SOCS2: variants seen among roughly 807,000 people sequenced by gnomAD.
SOCS2 encodes the protein CIS-2.
SOCS2 carries 10 observed loss-of-function variants against 18.6 expected under a neutral mutation model. That is an observed-to-expected ratio of 0.54 (90% CI 0.33 to 0.91). The LOEUF (loss-of-function observed/expected upper bound fraction) is 0.91, where lower values mean the gene tolerates loss of function less well. Ranked by LOEUF, SOCS2 falls within the 40% of genes least tolerant of loss-of-function variation. The pLI, the probability that SOCS2 is intolerant of heterozygous loss-of-function variation, is 0.02. For missense variants in SOCS2, 231 were observed against 247.2 expected (o/e 0.93, Z 0.44); for synonymous variants, 104 against 104.0 (o/e 1.00, Z 0.00).
At chr12:93,582,657 T>C (rs1331152165) in intron 1 of SOCS2, among the ~76,000 whole-genome samples, 1 of 152,196 alleles carries the variant, frequency 6.6e-6, no homozygotes, top group Non-Finnish European at 1.5e-5. Context: ...ACAGATTCTC[T>C]TCTCAGGAAA....
In SOCS2 at chr12:93,575,740, T is replaced by A. The variant is rs917911514; in HGVS notation, c.*561T>A. 6.5e-6 allele frequency: 1 copy of A among 152,726 alleles called. No homozygotes were observed. Among genetic ancestry groups the A allele is most frequent in the African/African-American group, 2.4e-5 (1 of 41,466 alleles). The allele number at this position is 152,726 out of a possible 1,614,324, so 9.5% of individuals were successfully genotyped here. ...CCAAATCAACCAAAAAAAGTGACCATGAAGTCCTGTATTTGTCTTTTTACT... is the reference window on the plus strand; with the variant it reads ...CCAAATCAACCAAAAAAAGTGACCAAGAAGTCCTGTATTTGTCTTTTTACT... On this transcript the variant is annotated 3_prime_UTR_variant, in exon 2 of 2. Coordinates refer to ENST00000551556, the MANE Select transcript of SOCS2 (RefSeq NM_001270471.2).
chr12:93,618,251 A>G, the SOCS2 span, among the ~76,000 whole-genome samples: 3,761 of 152,254 alleles, frequency 0.025, 141 homozygotes, highest in African/African-American at 0.083. Context: ...CTGTGAGCCA[A>G]TGAAACCTCT....
At chr12:93,574,647 A>C (rs1954401529) in intron 1 of SOCS2, 75 bp from the exon 2 acceptor site, 1 of 1,046,814 alleles carries the variant, frequency 9.6e-7, no homozygotes, top group African/African-American at 1.6e-5. Flanking sequence ...ATTGCCAATT[A>C]CTTGCTCTGT....
At chr12:93,599,288 G>A in the SOCS2 span, among the ~76,000 whole-genome samples, 1 of 151,092 alleles carries the variant, frequency 6.6e-6, no homozygotes. Flanking sequence ...CAAGTGGCTG[G>A]AACTACAGGC....
chr12:93,614,635 T>TTTCTTTCTTTC, the SOCS2 span, among the ~76,000 whole-genome samples: 3 of 111,676 alleles, frequency 2.7e-5, no homozygotes, highest in African/African-American at 4.1e-5. Flanking sequence ...TTCTTTCTTT[T>TTTCTTTCTTTC]GATGGAGTCT....
the SOCS2 span, among the ~76,000 whole-genome samples, chr12:93,589,700 G>C: frequency 6.6e-6 from 1 of 152,192 alleles, no homozygotes; most frequent in Non-Finnish European, 1.5e-5. Flanking sequence ...TGCTTCTTAT[G>C]AGGTCCAGGA....
chr12:93,577,622 A>G (rs1052144743), downstream of SOCS2, among the ~76,000 whole-genome samples: 4 of 152,116 alleles, frequency 2.6e-5, no homozygotes, highest in African/African-American at 7.2e-5. Context: ...GCTGAAAAAG[A>G]ACCCTTGGTG....
At chr12:93,570,205 G>A (rs1490953139), upstream of SOCS2, 1 of 152,396 alleles carries the variant, frequency 6.6e-6, no homozygotes, top group Non-Finnish European at 1.5e-5. Context: ...GCAGGTAAGG[G>A]CGCCCCCTTA....
the SOCS2 span, among the ~76,000 whole-genome samples, chr12:93,601,299 G>T: frequency 6.6e-6 from 1 of 151,572 alleles, no homozygotes; most frequent in East Asian, 1.9e-4. Flanking sequence ...TTTTGAGACT[G>T]AGTCTTGGTC....
the SOCS2 span, among the ~76,000 whole-genome samples, chr12:93,595,421 T>C: frequency 1.3e-5 from 2 of 152,330 alleles, no homozygotes; most frequent in South Asian, 4.1e-4. Context: ...TTTGTTGTTC[T>C]GATTTCAGAA....
chr12:93,586,721 C>G (rs1322480266), downstream of SOCS2, among the ~76,000 whole-genome samples: 4 of 152,166 alleles, frequency 2.6e-5, no homozygotes, highest in Non-Finnish European at 5.9e-5. Flanking sequence ...CAGATTGAAA[C>G]TTTGCATTAT....
chr12:93,600,415 G>T, the SOCS2 span, among the ~76,000 whole-genome samples: 4 of 151,876 alleles, frequency 2.6e-5, no homozygotes, highest in East Asian at 7.7e-4. Context: ...ATCTAGTGTG[G>T]TGAGTGGTTT....
the SOCS2 span, among the ~76,000 whole-genome samples, chr12:93,614,480 T>C: frequency 0.023 from 602 of 26,130 alleles, 53 homozygotes; most frequent in Middle Eastern, 0.11. Flanking sequence ...CCTTCCTTCC[T>C]TTCCTTCCTT....
At chr12:93,602,863 A>G in the SOCS2 span, among the ~76,000 whole-genome samples, 1 of 152,244 alleles carries the variant, frequency 6.6e-6, no homozygotes, top group African/African-American at 2.4e-5. Context: ...CAGTGAACTC[A>G]TACAACTCAC....
downstream of SOCS2, among the ~76,000 whole-genome samples, chr12:93,579,032 A>G (rs1224405476): frequency 6.6e-6 from 1 of 152,088 alleles, no homozygotes; most frequent in Non-Finnish European, 1.5e-5. Flanking sequence ...ACTCCTTAAC[A>G]TTTCTAATCT....
the SOCS2 span, among the ~76,000 whole-genome samples, chr12:93,607,421 C>G: frequency 3.3e-5 from 5 of 152,150 alleles, no homozygotes; most frequent in African/African-American, 1.2e-4. Flanking sequence ...AAAAAGGGAA[C>G]CTGGTTCCTG....
chr12:93,609,314 C>T, the SOCS2 span, among the ~76,000 whole-genome samples: 2 of 152,152 alleles, frequency 1.3e-5, no homozygotes, highest in Middle Eastern at 3.4e-3. Flanking sequence ...ATTGCTTGAA[C>T]CCGGGAGACA....
the SOCS2 span, among the ~76,000 whole-genome samples, chr12:93,611,795 A>G: frequency 8.5e-5 from 13 of 152,116 alleles, no homozygotes; most frequent in Non-Finnish European, 2.9e-5. Context: ...ATTTTATTGT[A>G]TTGTTTCAAT....
the SOCS2 span, among the ~76,000 whole-genome samples, chr12:93,591,124 A>C: frequency 1.3e-5 from 2 of 152,134 alleles, no homozygotes; most frequent in African/African-American, 4.8e-5. Flanking sequence ...GATTTGGAAG[A>C]AGTAGTTACG....
Sources: gnomAD v4.1 joint callset for allele counts (sites outside exome capture counted in the v4.1 genomes callset) on GRCh38, gnomAD v4.1.1 for gene constraint, MANE v1.5 for transcripts, NCBI Gene and HGNC (gene_info 2026-07-23, HGNC 2026-07-21) for gene names.